Variants in AEBP1 observed in about 807,000 individuals in gnomAD.
The protein encoded by AEBP1 is AE binding protein 1, also known as adipocyte enhancer-binding protein 1.
A neutral mutation model predicts 116.5 loss-of-function variants in AEBP1; 69 were observed. That is an observed-to-expected ratio of 0.59 (90% CI 0.49 to 0.72). The LOEUF (loss-of-function observed/expected upper bound fraction) is 0.72, where lower values mean the gene tolerates loss of function less well. Among genes scored for constraint, AEBP1 ranks in the 30% least tolerant of loss-of-function variants. The pLI is 0.00. For synonymous variants in AEBP1, 627 were observed against 627.3 expected (o/e 1.00, Z 0.01); for missense variants, 1,444 against 1,557.5 (o/e 0.93, Z 1.23).
In AEBP1 at chr7:44,107,027, A is replaced by G; in HGVS notation, c.595+140A>G. ...TGGATGGGAACCTCACTTTTGCTAT[A>G]AATTTCACAATTTGATTGGTGGGCT... On this transcript the variant is annotated intron_variant, in intron 2 of 20. Coordinates refer to ENST00000223357, the MANE Select transcript of AEBP1 (RefSeq NM_001129.5). This position sits in a 1 kb window ranked among gnomAD's most constrained non-coding sequence, Gnocchi z 4.3. 2.8e-6 allele frequency: 2 copies of G among 707,250 alleles called. No individual in the cohort carries two copies. The highest frequency in any genetic ancestry group is 2.0e-5 in the South Asian group (1 of 50,084). The allele number at this position is 707,250 out of a possible 1,614,324, so 43.8% of individuals were successfully genotyped here.
intron 9 of AEBP1, 127 bp from the exon 10 acceptor site, chr7:44,109,888 C>A: frequency 2.4e-6 from 2 of 825,682 alleles, no homozygotes; most frequent in Non-Finnish European, 3.8e-6. Context: ...GAGCCACCAG[C>A]TGACCAGAGC....
chr7:44,110,131 A>G lies in AEBP1; in HGVS notation c.1260+7A>G. The G allele has an allele frequency of 6.2e-7, 1 of 1,613,112 alleles. No homozygotes were observed. ...CGGCCGGCTCAACATGCAGGTGGGC[A>G]TTGGGATGGGCCCATCTCCCAACTG... On this transcript the variant is annotated splice_region_variant and intron_variant, in intron 10 of 20. Coordinates refer to ENST00000223357, the MANE Select transcript of AEBP1 (RefSeq NM_001129.5).
rs762117547 is a variant in AEBP1, at chr7:44,113,390, G to A, written c.2809+39G>A. On this transcript the variant is annotated intron_variant, in intron 20 of 20. Coordinates refer to ENST00000223357, the MANE Select transcript of AEBP1 (RefSeq NM_001129.5). This position sits in a 1 kb window ranked among gnomAD's most constrained non-coding sequence, Gnocchi z 5.3. ...ACACCTTTACCCCATCTTTCTGAGGGAGGACCCGCCAGAGAGGGTGGGGGC... is the reference window on the plus strand; with the variant it reads ...ACACCTTTACCCCATCTTTCTGAGGAAGGACCCGCCAGAGAGGGTGGGGGC... 2 of 1,570,056 alleles carry A rather than the reference G, an allele frequency of 1.3e-6. No homozygotes were observed. The highest frequency in any genetic ancestry group is 4.7e-5 in the East Asian group (2 of 42,534).
At position 44,111,898 on chromosome 7, in the gene AEBP1, G is replaced by A; in HGVS notation, c.1885G>A (p.Val629Met). 1 of 1,613,758 alleles carries A rather than the reference G, an allele frequency of 6.2e-7. No homozygotes were observed. Among genetic ancestry groups the A allele is most frequent in the Non-Finnish European group, 8.5e-7 (1 of 1,180,014 alleles). ...CACTGCTGGGATCCATGGCAACGAG[G>A]TGCTGGGCCGAGAGCTGTTGCTGCT... is the stretch of plus-strand genomic sequence containing the variant. ...RYTAGIHGNE[V>M]LGRELLLLLM... The change falls in exon 16 of 21, where the codon GTG becomes ATG. Residue 629 changes from valine to methionine, a missense_variant. Coordinates refer to ENST00000223357, the MANE Select transcript of AEBP1 (RefSeq NM_001129.5). This position sits in a 1 kb window ranked among gnomAD's most constrained non-coding sequence, Gnocchi z 4.7.
chr7:44,109,252 GC>G, intron 8 of AEBP1, 35 bp from the exon 9 acceptor site: 1 of 1,611,680 alleles, frequency 6.2e-7, no homozygotes, highest in African/African-American at 1.3e-5. Flanking sequence ...TGCCTCCCGG[GC>G]CCTTGGTGCC....
rs987361881 is a variant in AEBP1, at chr7:44,108,523, G to A, written c.941-376G>A. 2.0e-5 allele frequency among the ~76,000 whole-genome samples: 3 copies of A among 151,962 alleles called. No homozygotes were observed. The highest frequency in any genetic ancestry group is 7.3e-5 in the African/African-American group (3 of 41,356). ...TCCCTTTCCTCCTGGGTGGCAGCCC[G>A]TGCATCGCCATTTCCCTGCCCCCAG... On this transcript the variant is annotated intron_variant, in intron 6 of 20. Coordinates refer to ENST00000223357, the MANE Select transcript of AEBP1 (RefSeq NM_001129.5). The surrounding 1 kb of genome is among the most constrained non-coding windows in gnomAD (Gnocchi z 5.0).
chr7:44,111,955 G>C lies in AEBP1; in HGVS notation c.1942G>C (p.Asp648His), dbSNP rs779923819. Residue 648 changes from aspartate (D) to histidine (H), a missense_variant, in exon 16 of 21, where the codon GAT (aspartate) becomes CAT (histidine). Coordinates refer to ENST00000223357, the MANE Select transcript of AEBP1 (RefSeq NM_001129.5). The surrounding 1 kb of genome is among the most constrained non-coding windows in gnomAD (Gnocchi z 4.7). ...LMQYLCREYR[D>H]GNPRVRSLVQ... is the part of the protein sequence containing the mutation. ...GCAGTACCTGTGCCGAGAGTACCGC[G>C]ATGGGAACCCACGTGTGCGCAGCCT... 6.2e-7 allele frequency: 1 copy of C among 1,613,864 alleles called. No individual in the cohort carries two copies. Among genetic ancestry groups the C allele is most frequent in the Admixed American group, 1.7e-5 (1 of 60,022 alleles).
intron 11 of AEBP1, 53 bp downstream of exon 11, chr7:44,110,399 T>C: frequency 1.2e-6 from 2 of 1,611,304 alleles, no homozygotes; most frequent in East Asian, 2.2e-5. Flanking sequence ...TACATAGGCA[T>C]GGCTCTGTGT....
Position 44,112,020 on chromosome 7 carries a change from C to A in AEBP1, c.2007C>A (p.Asn669Lys), listed in dbSNP as rs1443296330. The A allele has an allele frequency of 6.2e-7, 1 of 1,613,618 alleles. No individual in the cohort carries two copies. The highest frequency in any genetic ancestry group is 8.5e-7 in the Non-Finnish European group (1 of 1,179,944). The change falls in exon 16 of 21, where the codon AAC (asparagine) becomes AAA (lysine). Residue 669 changes from asparagine to lysine, a missense_variant. Coordinates refer to ENST00000223357, the MANE Select transcript of AEBP1 (RefSeq NM_001129.5). The surrounding 1 kb of genome is among the most constrained non-coding windows in gnomAD (Gnocchi z 6.6). The stretch of plus-strand genomic sequence containing the variant: ...GCATCCACCTGGTGCCCTCACTGAA[C>A]CCTGATGGCTACGAGGTGGCAGCGC... ...DTRIHLVPSL[N>K]PDGYEVAAQM...
In AEBP1 at chr7:44,112,674, G is replaced by A. The variant is rs768536441; in HGVS notation, c.2334G>A (p.Thr778=). Residue 778 remains threonine, a synonymous_variant, in exon 18 of 21, where the codon ACG becomes ACA. Coordinates refer to ENST00000223357, the MANE Select transcript of AEBP1 (RefSeq NM_001129.5). The surrounding 1 kb of genome is among the most constrained non-coding windows in gnomAD (Gnocchi z 6.6). ...LVSYPYDMAR[T]PTQEQLLAAA... Reference sequence around the variant, plus strand: ...CCTACCCCTACGATATGGCCCGCACGCCTACCCAGGAGCAGCTGCTGGCCG... The same window carrying A: ...CCTACCCCTACGATATGGCCCGCACACCTACCCAGGAGCAGCTGCTGGCCG... 4.3e-6 allele frequency: 7 copies of A among 1,612,998 alleles called. No individual in the cohort carries two copies. The highest frequency in any genetic ancestry group is 4.2e-6 in the Non-Finnish European group (5 of 1,179,986).
At position 44,106,629 on chromosome 7, in the gene AEBP1, T is replaced by A. The variant is rs755478473; in HGVS notation, c.337T>A (p.Ser113Thr). 90 of 1,602,926 alleles carry A rather than the reference T, an allele frequency of 5.6e-5. No individual in the cohort carries two copies. In the South Asian group the frequency reaches 9.7e-4, roughly 17 times the overall value. The change falls in exon 2 of 21, where the codon TCC becomes ACC. Residue 113 changes from serine (S) to threonine (T), a missense_variant. By Grantham distance (58) the Ser-to-Thr change is moderately conservative. Transcript: ENST00000223357. ...GGTGCCCAAGGAGTCCTTGGAGGGG[T>A]CCCCCAGGCCGCCCAAGAAGGGGAA... is the stretch of plus-strand genomic sequence containing the variant. The part of the protein sequence containing the change: ...PKVPKESLEG[S>T]PRPPKKGKEK...
rs374013273 is a variant in AEBP1 at position 44,112,718 on chromosome 7, G to C, written c.2378G>C (p.Arg793Pro). Residue 793 changes from arginine (R) to proline (P), a missense_variant, in exon 18 of 21, where the codon CGG (arginine) becomes CCG (proline). Coordinates refer to ENST00000223357, the MANE Select transcript of AEBP1 (RefSeq NM_001129.5). This position sits in a 1 kb window ranked among gnomAD's most constrained non-coding sequence, Gnocchi z 6.6. ...QLLAAAMAAA[R>P]GEDEDEVSEA... ...CTGGCCGCAGCCATGGCAGCAGCCCGGGGGGAGGATGAGGACGAGGTCTCC... is the reference window on the plus strand; with the variant it reads ...CTGGCCGCAGCCATGGCAGCAGCCCCGGGGGAGGATGAGGACGAGGTCTCC... 8.7e-6 allele frequency: 14 copies of C among 1,613,020 alleles called. No individual in the cohort carries two copies. The East Asian group carries it at 1.3e-4, about 15-fold the overall frequency.
Position 44,106,717 on chromosome 7 carries a change from C to G in AEBP1, c.425C>G (p.Pro142Arg). 6.2e-7 allele frequency: 1 copy of G among 1,612,678 alleles called. No individual in the cohort carries two copies. The highest frequency in any genetic ancestry group is 8.5e-7 in the Non-Finnish European group (1 of 1,179,704). ...AAGCCACCTAAGGCCACCAAGAAGCCCAAGGAGAAGCCACCCAAGGCCACC... is the reference window on the plus strand; with the variant it reads ...AAGCCACCTAAGGCCACCAAGAAGCGCAAGGAGAAGCCACCCAAGGCCACC... ...KEKPPKATKK[P>R]KEKPPKATKK... Residue 142 changes from proline to arginine, a missense_variant, in exon 2 of 21, where the codon CCC (proline) becomes CGC (arginine). Transcript: ENST00000223357.
chr7:44,106,133 C>T (rs1386814094), intron 1 of AEBP1: 2 of 466,776 alleles, frequency 4.3e-6, no homozygotes, highest in African/African-American at 4.0e-5. Flanking sequence ...ATGTCCCTTC[C>T]TTTGTATGGC....
In AEBP1 at chr7:44,106,582, G is replaced by A; in HGVS notation, c.290G>A (p.Gly97Asp). ...AAGACCAAAGACAAAGGGAAGAAAG[G>A]CAAGAAAGACAAAGGCCCCAAGGTG... ...PEKTKDKGKK[G>D]KKDKGPKVPK... Residue 97 changes from glycine (G) to aspartate (D), a missense_variant, in exon 2 of 21, where the codon GGC becomes GAC. Coordinates refer to ENST00000223357, the MANE Select transcript of AEBP1 (RefSeq NM_001129.5). 6.2e-7 allele frequency: 1 copy of A among 1,607,622 alleles called. No individual in the cohort carries two copies. The highest frequency in any genetic ancestry group is 1.1e-5 in the South Asian group (1 of 90,346).
rs116545622 is a variant in AEBP1, at chr7:44,107,109, G to A, written c.595+222G>A. Among the ~76,000 whole-genome samples the A allele has an allele frequency of 3.8e-3, 584 of 152,348 alleles. 3 individuals carry two copies. The highest frequency in any genetic ancestry group is 0.013 in the African/African-American group (554 of 41,586). ...AGAGGGCTTGGCAGCCTTTTGGGTGGGACCTCTGTCCCTCAGGCCCCTGCC... is the reference window on the plus strand; with the variant it reads ...AGAGGGCTTGGCAGCCTTTTGGGTGAGACCTCTGTCCCTCAGGCCCCTGCC... On this transcript the variant is annotated intron_variant, in intron 2 of 20. Coordinates refer to ENST00000223357, the MANE Select transcript of AEBP1 (RefSeq NM_001129.5). The surrounding 1 kb of genome is among the most constrained non-coding windows in gnomAD (Gnocchi z 4.3).
Position 44,112,593 on chromosome 7 carries a change from G to A in AEBP1, c.2253G>A (p.Met751Ile), listed in dbSNP as rs1418325938. The change falls in exon 18 of 21, where the codon ATG becomes ATA. Residue 751 changes from methionine to isoleucine, a missense_variant. Coordinates refer to ENST00000223357, the MANE Select transcript of AEBP1 (RefSeq NM_001129.5). The surrounding 1 kb of genome is among the most constrained non-coding windows in gnomAD (Gnocchi z 6.6). ...STEVRAIIAW[M>I]EKNPFVLGAN... Reference sequence around the variant, plus strand: ...AGGTCCGGGCCATCATTGCCTGGATGGAGAAGAACCCCTTCGTGCTGGGAG... The same window carrying A: ...AGGTCCGGGCCATCATTGCCTGGATAGAGAAGAACCCCTTCGTGCTGGGAG... 6.2e-7 allele frequency: 1 copy of A among 1,602,676 alleles called. No homozygotes were observed. Among genetic ancestry groups the A allele is most frequent in the Non-Finnish European group, 8.5e-7 (1 of 1,172,074 alleles).
In AEBP1 at chr7:44,113,484, CTGGGGG is replaced by C; in HGVS notation, c.2810-109_2810-104del. ...CGAAATTCAGAGAGGGAGGGCGGTG[CTGGGGG>C]CGGGAACTCAGAGGGGGAGGGCGGG... is the stretch of plus-strand genomic sequence containing the variant. On this transcript the variant is annotated intron_variant, in intron 20 of 20. Transcript: ENST00000223357. This position sits in a 1 kb window ranked among gnomAD's most constrained non-coding sequence, Gnocchi z 5.3. The C allele has an allele frequency of 8.1e-7, 1 of 1,234,534 alleles. No homozygotes were observed. The highest frequency in any genetic ancestry group is 1.0e-6 in the Non-Finnish European group (1 of 968,856). The allele number at this position is 1,234,534 out of a possible 1,614,324, so 76.5% of individuals were successfully genotyped here. A position where few individuals can be genotyped will look rare whatever the true frequency, so the allele number is the denominator to read the frequency against.
chr7:44,112,900 C>G lies in AEBP1; in HGVS notation c.2560C>G (p.Arg854Gly). Residue 854 changes from arginine (R) to glycine (G), a missense_variant, in exon 18 of 21, where the codon CGG (arginine) becomes GGG (glycine). Coordinates refer to ENST00000223357, the MANE Select transcript of AEBP1 (RefSeq NM_001129.5). This position sits in a 1 kb window ranked among gnomAD's most constrained non-coding sequence, Gnocchi z 6.6. ...CGTCAACGGGGCCAAGTGGAACCCC[C>G]GGACCGGGAGTGAGTCAGCCTGGGA... Reference protein sequence around the residue: ...GIVNGAKWNPRTGTINDFSYL... With the variant: ...GIVNGAKWNPGTGTINDFSYL... 2 of 1,611,086 alleles carry G rather than the reference C, an allele frequency of 1.2e-6. No individual in the cohort carries two copies. Among genetic ancestry groups the G allele is most frequent in the Non-Finnish European group, 1.7e-6 (2 of 1,178,386 alleles).
Sources: gnomAD v4.1 joint callset for allele counts (sites outside exome capture counted in the v4.1 genomes callset) on GRCh38, gnomAD v4.1.1 for gene constraint, Gnocchi (gnomAD v3.1) non-coding constraint, MANE v1.5 for transcripts, NCBI Gene and HGNC (gene_info 2026-07-23, HGNC 2026-07-21) for gene names.